HECA: variants seen among roughly 807,000 people sequenced by gnomAD.
HECA encodes headcase protein homolog.
HECA carries 13 observed loss-of-function variants against 37.6 expected under a neutral mutation model. The observed-to-expected ratio is 0.35, with a 90% confidence interval of 0.23 to 0.55. The LOEUF (loss-of-function observed/expected upper bound fraction) is 0.55. Among genes scored for constraint, HECA ranks in the 20% least tolerant of loss-of-function variants. The probability of loss-of-function intolerance (pLI) is 0.90; values close to 1 mark genes in which losing one functional copy is unlikely to be tolerated. For synonymous variants in HECA, 307 were observed against 291.5 expected, an observed-to-expected ratio of 1.05 and a Z score of -0.54; for missense variants, 527 against 701.9, an observed-to-expected ratio of 0.75 and a Z score of 2.82.
rs533669992 is a variant in HECA, at chr6:139,145,748, A to G, written c.271+10081A>G. On this transcript the variant is annotated intron_variant, in intron 1 of 3. Coordinates refer to ENST00000367658, the MANE Select transcript of HECA (RefSeq NM_016217.3). Reference sequence around the variant, plus strand: ...GGGGAAGGGGAGGGGAGAAAAGGGAACTTATGGGAAAACAAAGGACTTTTT... The same window carrying G: ...GGGGAAGGGGAGGGGAGAAAAGGGAGCTTATGGGAAAACAAAGGACTTTTT... 7.2e-5 allele frequency among the ~76,000 whole-genome samples: 11 copies of G among 152,304 alleles called. 1 individual carries two copies. In the South Asian group the frequency reaches 2.3e-3, roughly 32 times the overall value.
chr6:139,166,021 C>G, intron 1 of HECA: 1 of 362,228 alleles, frequency 2.8e-6, no homozygotes, highest in East Asian at 4.3e-5. Flanking sequence ...GTTCCAGCGG[C>G]TTTCTGGTAT....
At chr6:139,158,292 G>A (rs1038595976) in intron 1 of HECA, among the ~76,000 whole-genome samples, 1 of 152,048 alleles carries the variant, frequency 6.6e-6, no homozygotes, top group South Asian at 2.1e-4. Flanking sequence ...CACGAGGTCA[G>A]GAGATGGAGA....
rs1330496976 is a variant in HECA, at chr6:139,142,718, C to T, written c.271+7051C>T. On this transcript the variant is annotated intron_variant, in intron 1 of 3. Coordinates refer to ENST00000367658, the MANE Select transcript of HECA (RefSeq NM_016217.3). The stretch of plus-strand genomic sequence containing the variant: ...ATCCCAGCACTTTTGGAGGCCGAGA[C>T]GGGCGGATCATGAGGTCAGGAGTTC... 3.9e-5 allele frequency among the ~76,000 whole-genome samples: 6 copies of T among 152,214 alleles called. No individual in the cohort carries two copies. In the South Asian group the frequency reaches 1.0e-3, roughly 26 times the overall value.
intron 2 of HECA, 37 bp downstream of exon 2, chr6:139,167,361 G>T: frequency 6.8e-7 from 1 of 1,462,366 alleles, no homozygotes; most frequent in Non-Finnish European, 9.3e-7. Context: ...CTTTCTGTTT[G>T]TTAAAAACCA....
chr6:139,142,929 A>G (rs1343201171), intron 1 of HECA, among the ~76,000 whole-genome samples: 2 of 151,858 alleles, frequency 1.3e-5, no homozygotes, highest in Admixed American at 6.6e-5. Context: ...GCCTGGCGAC[A>G]GAATGAGACT....
At chr6:139,150,578 A>C (rs1392389292) in intron 1 of HECA, among the ~76,000 whole-genome samples, 1 of 150,008 alleles carries the variant, frequency 6.7e-6, no homozygotes, top group African/African-American at 2.5e-5. Flanking sequence ...CATATGAGTT[A>C]GAATTCATTT....
rs1042627311 is a variant in HECA, at chr6:139,167,599, A to T, written c.1312+275A>T. Among the ~76,000 whole-genome samples the T allele has an allele frequency of 5.3e-5, 8 of 152,302 alleles. 1 individual carries two copies. In the South Asian group the frequency reaches 1.0e-3, roughly 20 times the overall value. On this transcript the variant is annotated intron_variant, in intron 2 of 3. Coordinates refer to ENST00000367658, the MANE Select transcript of HECA (RefSeq NM_016217.3). ...GGTGTATGGTTTTGCATAATGGGGA[A>T]GGAAATTAGTGGAGTTGTTGCATAT...
At chr6:139,172,375 A>C (rs1476864551) in intron 2 of HECA, among the ~76,000 whole-genome samples, 1 of 152,224 alleles carries the variant, frequency 6.6e-6, no homozygotes, top group African/African-American at 2.4e-5. Context: ...TGCTGTGTTC[A>C]GTGGCCCTTT....
In HECA at chr6:139,144,738, A is replaced by G. The variant is rs546155015; in HGVS notation, c.271+9071A>G. On this transcript the variant is annotated intron_variant, in intron 1 of 3. Coordinates refer to ENST00000367658, the MANE Select transcript of HECA (RefSeq NM_016217.3). ...TATCTTTTAATATAACTAATAAAGGATTGGAGGTGGAGCCTGCCATGGACC... is the reference window on the plus strand; with the variant it reads ...TATCTTTTAATATAACTAATAAAGGGTTGGAGGTGGAGCCTGCCATGGACC... 2.0e-5 allele frequency: 3 copies of G among 152,326 alleles called. No individual in the cohort carries two copies. The East Asian group carries it at 5.8e-4, about 29-fold the overall frequency. 9.4% of individuals were successfully genotyped at this position (152,326 alleles called of 1,614,324 possible).
At chr6:139,135,827 A>G (rs1488386224) in intron 1 of HECA, among the ~76,000 whole-genome samples, 160 bp downstream of exon 1, 1 of 150,742 alleles carries the variant, frequency 6.6e-6, no homozygotes, top group Non-Finnish European at 1.5e-5. Flanking sequence ...CGCGGTCCCC[A>G]CGCCTGGCGG....
rs376163523 is a variant in HECA, at chr6:139,176,979, C to A, written c.1506C>A (p.Ile502=). 6 of 872,554 alleles carry A rather than the reference C, an allele frequency of 6.9e-6. No individual in the cohort carries two copies. The highest frequency in any genetic ancestry group is 1.2e-5 in the Non-Finnish European group (6 of 501,446). The allele number at this position is 872,554 out of a possible 1,614,324, so 54.1% of individuals were successfully genotyped here. A position where few individuals can be genotyped will look rare whatever the true frequency, so the allele number is the denominator to read the frequency against. The change falls in exon 4 of 4, where the codon ATC becomes ATA. Residue 502 remains isoleucine (I), a synonymous_variant. Transcript: ENST00000367658. This position sits in a 1 kb window ranked among gnomAD's most constrained non-coding sequence, Gnocchi z 4.5. ...GTAAGCACTGTGGGAAGCCGGTGAT[C>A]GACGTGAGGATCGGGATGCAGTACT... ...LNCKHCGKPV[I]DVRIGMQYFS...
chr6:139,135,451 A>G lies in HECA; in HGVS notation c.55A>G (p.Ser19Gly). 4 of 1,349,102 alleles carry G rather than the reference A, an allele frequency of 3.0e-6. No homozygotes were observed. The highest frequency in any genetic ancestry group is 2.9e-6 in the Non-Finnish European group (3 of 1,027,710). 83.6% of individuals were successfully genotyped at this position (1,349,102 alleles called of 1,614,324 possible). A position where few individuals can be genotyped will look rare whatever the true frequency, so the allele number is the denominator to read the frequency against. ...GGRKNKRANS[S>G]GDEQENGAGA... ...CCGCAAAAACAAGCGCGCCAACAGC[A>G]GCGGCGACGAGCAGGAAAATGGAGC... Residue 19 changes from serine (S) to glycine (G), a missense_variant, in exon 1 of 4, where the codon AGC (serine) becomes GGC (glycine). Around this residue, in one of 4 missense-constraint regions of HECA, gnomAD observed 172 missense variants for 197.6 expected, o/e 0.87. Transcript: ENST00000367658.
intron 2 of HECA, among the ~76,000 whole-genome samples, chr6:139,172,892 T>G (rs1350753059): frequency 1.3e-5 from 2 of 152,240 alleles, no homozygotes; most frequent in Non-Finnish European, 2.9e-5. Context: ...GGTAGCATAG[T>G]GCCATACCCT....
chr6:139,141,946 A>T, intron 1 of HECA, among the ~76,000 whole-genome samples: 2 of 86,290 alleles, frequency 2.3e-5, no homozygotes, highest in Non-Finnish European at 4.4e-5. Context: ...TTTTTTTTGG[A>T]CATGGAGTGT....
chr6:139,175,604 T>C (rs189047624), intron 3 of HECA, among the ~76,000 whole-genome samples: 2 of 152,294 alleles, frequency 1.3e-5, no homozygotes, highest in East Asian at 3.9e-4. Flanking sequence ...CTCAGAAGAT[T>C]AGCACTGGAA....
chr6:139,144,688 A>G (rs72978622), intron 1 of HECA: 4,500 of 152,362 alleles, frequency 0.03, 75 homozygotes, highest in Non-Finnish European at 0.039. Context: ...CAAGTTTGTA[A>G]AATTATATAT....
At chr6:139,136,089 A>C (rs559041880) in intron 1 of HECA, among the ~76,000 whole-genome samples, 15 of 152,176 alleles carry the variant, frequency 9.9e-5, no homozygotes, top group Middle Eastern at 3.4e-3. Flanking sequence ...GGCCACCCGT[A>C]ACCCCCGGAA....
intron 1 of HECA, among the ~76,000 whole-genome samples, chr6:139,140,392 C>T (rs1774498985): frequency 6.6e-6 from 1 of 152,192 alleles, no homozygotes; most frequent in Admixed American, 6.5e-5. Context: ...TTGAAATCCA[C>T]CTTTTTAGTG....
chr6:139,159,691 G>A (rs1263539432), intron 1 of HECA, among the ~76,000 whole-genome samples: 1 of 152,136 alleles, frequency 6.6e-6, no homozygotes, highest in Admixed American at 6.5e-5. Context: ...GTCTGGTTGG[G>A]TCATTCTTTC....
Sources: gnomAD v4.1 joint callset for allele counts (sites outside exome capture counted in the v4.1 genomes callset) on GRCh38, gnomAD v4.1.1 for gene constraint, gnomAD v4.1.1 regional missense constraint, Gnocchi (gnomAD v3.1) non-coding constraint, MANE v1.5 for transcripts, NCBI Gene and HGNC (gene_info 2026-07-23, HGNC 2026-07-21) for gene names.